The following SARS1 variants were observed in gnomAD, a reference collection of about 807,000 sequenced individuals.
SARS1 encodes the protein serine--tRNA ligase, cytoplasmic.
In SARS1, 25 loss-of-function variants were observed where a neutral mutation model predicts 63.7. The observed-to-expected ratio is 0.39, with a 90% CI of 0.29 to 0.55. The LOEUF (loss-of-function observed/expected upper bound fraction) is 0.55, where lower values mean the gene tolerates loss of function less well. Among genes scored for constraint, SARS1 ranks in the 20% least tolerant of loss-of-function variants. SARS1 has a pLI of 0.62. For missense variants in SARS1, 417 were observed against 649.7 expected (o/e 0.64, Z 3.89); for synonymous variants, 231 against 243.5 (o/e 0.95, Z 0.48).
At position 109,236,529 on chromosome 1, in the gene SARS1, C is replaced by G. The variant is rs1655315258; in HGVS notation, c.1238C>G (p.Thr413Ser). ...ARRLRIRYGQ[T>S]KKMMDKVEFV... The stretch of plus-strand genomic sequence containing the variant: ...CGGCTTCGAATCCGATATGGGCAAA[C>G]CAAGAAGATGATGGACAAGGTAGAT... The change falls in exon 9 of 11, where the codon ACC becomes AGC. Residue 413 changes from threonine to serine, a missense_variant. Coordinates refer to ENST00000234677, the MANE Select transcript of SARS1 (RefSeq NM_006513.4). The G allele has an allele frequency of 6.2e-7, 1 of 1,603,944 alleles. No homozygotes were observed. Among genetic ancestry groups the G allele is most frequent in the Admixed American group, 1.7e-5 (1 of 59,836 alleles).
chr1:109,224,933 A>G (rs891184090), intron 2 of SARS1, among the ~76,000 whole-genome samples: 1 of 152,064 alleles, frequency 6.6e-6, no homozygotes, highest in African/African-American at 2.4e-5. Flanking sequence ...CCATCTCTAC[A>G]AAAATAAAAT....
At chr1:109,224,962 A>G (rs1156317584) in intron 2 of SARS1, among the ~76,000 whole-genome samples, 1 of 152,134 alleles carries the variant, frequency 6.6e-6, no homozygotes, top group East Asian at 1.9e-4. Flanking sequence ...AAAATTAGCC[A>G]GACGTGGCGG....
In SARS1 at chr1:109,231,638, TG is replaced by T; in HGVS notation, c.601del (p.Val201CysfsTer29). On this transcript the variant is annotated frameshift_variant, in exon 6 of 11. Coordinates refer to ENST00000234677, the MANE Select transcript of SARS1 (RefSeq NM_006513.4). LOFTEE classifies it high-confidence loss of function. Reference protein sequence around the residue: ...GSRGYFLKGVLVFLEQALIQY... With the variant: ...GSRGYFLKGVXVFLEQALIQY... Reference sequence around the variant, plus strand: ...GTGTCTCTGCTCCTCTAGGGGGTCCTGGTGTTCCTGGAACAGGCTCTCATCC... The same window carrying T: ...GTGTCTCTGCTCCTCTAGGGGGTCCTGTGTTCCTGGAACAGGCTCTCATCC... 6.5e-7 allele frequency: 1 copy of T among 1,534,406 alleles called. No homozygotes were observed. The highest frequency in any genetic ancestry group is 8.7e-7 in the Non-Finnish European group (1 of 1,144,306).
At chr1:109,226,482 A>T (rs941752146) in intron 2 of SARS1, among the ~76,000 whole-genome samples, 1 of 147,158 alleles carries the variant, frequency 6.8e-6, no homozygotes, top group Non-Finnish European at 1.5e-5. Context: ...CTCTCAAGTA[A>T]CTAGGACTAT....
intron 6 of SARS1, among the ~76,000 whole-genome samples, chr1:109,232,820 C>T (rs1400987686): frequency 1.3e-5 from 2 of 152,112 alleles, no homozygotes; most frequent in African/African-American, 4.8e-5. Flanking sequence ...TAGAAATATC[C>T]GCTGCAGGTA....
chr1:109,225,113 T>C (rs1310791060), intron 2 of SARS1, among the ~76,000 whole-genome samples: 1 of 152,000 alleles, frequency 6.6e-6, no homozygotes, highest in Non-Finnish European at 1.5e-5. Context: ...GTCTCCAAAA[T>C]AAATAAATTA....
At chr1:109,224,120 TCA>T (rs766732715) in intron 2 of SARS1, 72 bp downstream of exon 2, 291 of 1,096,510 alleles carry the variant, frequency 2.7e-4, no homozygotes, top group Non-Finnish European at 3.9e-4. Flanking sequence ...TAGCTAATGT[TCA>T]CAGAAGTTCT....
chr1:109,214,957 G>A lies in SARS1; in HGVS notation c.136+829G>A. On this transcript the variant is annotated intron_variant, in intron 1 of 10. Coordinates refer to ENST00000234677, the MANE Select transcript of SARS1 (RefSeq NM_006513.4). This position sits in a 1 kb window ranked among gnomAD's most constrained non-coding sequence, Gnocchi z 4.6. ...CCTGTATTAACTGGAGTGGTCGCTG[G>A]TTGGGCGGATGCTGTCAAGTACTTG... 4 of 985,468 alleles carry A rather than the reference G, an allele frequency of 4.1e-6. No individual in the cohort carries two copies. Among genetic ancestry groups the A allele is most frequent in the South Asian group, 4.7e-5 (1 of 21,284 alleles). The allele number at this position is 985,468 out of a possible 1,614,324, so 61.0% of individuals were successfully genotyped here. A position where few individuals can be genotyped will look rare whatever the true frequency, so the allele number is the denominator to read the frequency against.
At chr1:109,233,361 A>G (rs967397297) in intron 6 of SARS1, among the ~76,000 whole-genome samples, 7 of 152,274 alleles carry the variant, frequency 4.6e-5, no homozygotes, top group African/African-American at 1.7e-4. Context: ...ATTAGGCTGC[A>G]CAGCCCTAGA....
At chr1:109,222,444 A>G (rs936067017) in intron 1 of SARS1, among the ~76,000 whole-genome samples, 8 of 152,182 alleles carry the variant, frequency 5.3e-5, no homozygotes, top group African/African-American at 1.7e-4. Flanking sequence ...TGCCATGCTC[A>G]AGATACAGAA....
intron 1 of SARS1, among the ~76,000 whole-genome samples, chr1:109,220,015 T>C (rs938305413): frequency 2.0e-5 from 3 of 152,128 alleles, no homozygotes; most frequent in Admixed American, 6.6e-5. Context: ...AGAGACTCTT[T>C]TTTAAAAAAT....
chr1:109,223,121 A>C (rs1654985569), intron 1 of SARS1, among the ~76,000 whole-genome samples: 2 of 152,224 alleles, frequency 1.3e-5, no homozygotes, highest in Admixed American at 1.3e-4. Flanking sequence ...CCATGATACC[A>C]ATATATTAAT....
chr1:109,226,518 AT>A (rs1439176625), intron 2 of SARS1, among the ~76,000 whole-genome samples: 3 of 147,062 alleles, frequency 2.0e-5, no homozygotes, highest in Non-Finnish European at 4.5e-5. Flanking sequence ...TGCCTGGCTA[AT>A]TTTTTAAAAA....
chr1:109,228,441 T>C lies in SARS1; in HGVS notation c.288+9T>C, dbSNP rs683182. ...CTGCAGACGCTTTAGCTGTAAGTTA[T>C]AGTTCTTTTCTAAGTTAGGATCTCT... On this transcript the variant is annotated intron_variant, in intron 3 of 10. Coordinates refer to ENST00000234677, the MANE Select transcript of SARS1 (RefSeq NM_006513.4). 1,232,153 of 1,589,930 alleles carry C rather than the reference T, an allele frequency of 0.77. 483,476 individuals are homozygous for C. Among genetic ancestry groups the C allele is most frequent in the East Asian group, 0.88 (39,549 of 44,692 alleles).
chr1:109,226,736 ATATTTATTTATT>A (rs67264041), intron 2 of SARS1, among the ~76,000 whole-genome samples: 3 of 100,252 alleles, frequency 3.0e-5, no homozygotes, highest in South Asian at 3.0e-4. Flanking sequence ...ACATATATAT[ATATTTATTTATT>A]TATTTATTTA....
chr1:109,214,891 A>G lies in SARS1; in HGVS notation c.136+763A>G, dbSNP rs895916350. 7 of 985,470 alleles carry G rather than the reference A, an allele frequency of 7.1e-6. No individual in the cohort carries two copies. Among genetic ancestry groups the G allele is most frequent in the Non-Finnish European group, 8.4e-6 (7 of 829,948 alleles). The allele number at this position is 985,470 out of a possible 1,614,324, so 61.0% of individuals were successfully genotyped here. ...GAGTCATATCGGGCATCTATCATGA[A>G]GCCGAATAAAACCATAGAACCATCT... On this transcript the variant is annotated intron_variant, in intron 1 of 10. Transcript: ENST00000234677. This position sits in a 1 kb window ranked among gnomAD's most constrained non-coding sequence, Gnocchi z 4.6.
At chr1:109,220,245 T>C (rs1557714806) in intron 1 of SARS1, among the ~76,000 whole-genome samples, 2 of 152,216 alleles carry the variant, frequency 1.3e-5, no homozygotes, top group African/African-American at 4.8e-5. Context: ...AGGAGTAGAA[T>C]TGCTGGATCA....
chr1:109,226,677 A>AAAATATATATATATATAT (rs1178056468), intron 2 of SARS1, among the ~76,000 whole-genome samples: 2 of 44,960 alleles, frequency 4.4e-5, no homozygotes, highest in African/African-American at 1.7e-4. Flanking sequence ...AAAAAAAAAA[A>AAAATATATATATATATAT]ATATATATAT....
chr1:109,216,481 G>T (rs1156326202), intron 1 of SARS1: 1 of 985,018 alleles, frequency 1.0e-6, no homozygotes, highest in Non-Finnish European at 1.2e-6. Flanking sequence ...CTACACTTGG[G>T]CATATTTGTC....
Sources: gnomAD v4.1 joint callset for allele counts (sites outside exome capture counted in the v4.1 genomes callset) on GRCh38, gnomAD v4.1.1 for gene constraint, Gnocchi (gnomAD v3.1) non-coding constraint, MANE v1.5 for transcripts, NCBI Gene and HGNC (gene_info 2026-07-23, HGNC 2026-07-21) for gene names.